The following MAML3 variants were observed in gnomAD, a reference collection of about 807,000 sequenced individuals.
MAML3 encodes the protein mastermind-like protein 3.
Under a neutral mutation model 101.9 loss-of-function variants are expected in MAML3, and 27 were observed. The observed-to-expected ratio is 0.27, with a 90% confidence interval of 0.20 to 0.37. MAML3 has a LOEUF of 0.37. MAML3 is among the 10% of genes least tolerant of loss of function. The pLI, the probability that MAML3 is intolerant of heterozygous loss-of-function variation, is 1.00. For synonymous variants in MAML3, 501 were observed against 555.9 expected (o/e 0.90, Z 1.39); for missense variants, 1,316 against 1,444.9 (o/e 0.91, Z 1.45).
chr4:139,978,196 A>G (rs1734380792), intron 1 of MAML3, among the ~76,000 whole-genome samples: 1 of 152,172 alleles, frequency 6.6e-6, no homozygotes, highest in Admixed American at 6.5e-5. Context: ...AAGGTTACAA[A>G]AAAAAGTCTT....
At chr4:139,889,072 C>T in intron 2 of MAML3, 1 of 542,442 alleles carries the variant, frequency 1.8e-6, no homozygotes, top group African/African-American at 1.9e-5. Flanking sequence ...CAGCCTCCCT[C>T]CCTCAGAGTG....
intron 1 of MAML3, chr4:140,128,226 A>G (rs983285199): frequency 6.6e-6 from 1 of 152,260 alleles, no homozygotes; most frequent in South Asian, 2.1e-4. Flanking sequence ...TCTCTTCTTC[A>G]TAAAAACAGA....
rs111692185 is a variant in MAML3, at chr4:140,114,781, T to A, written c.468+38079A>T. 9.7e-3 allele frequency among the ~76,000 whole-genome samples: 1,475 copies of A among 152,316 alleles called. 29 individuals are homozygous for A. Among genetic ancestry groups the A allele is most frequent in the African/African-American group, 0.034 (1,393 of 41,556 alleles). ...TATTATAGAAAGCACATGCCAGAAC[T>A]TATATCTGTGAATACTGTGGAGTGT... On this transcript the variant is annotated intron_variant, in intron 1 of 4. Coordinates refer to ENST00000509479, the MANE Select transcript of MAML3 (RefSeq NM_018717.5).
chr4:140,131,593 C>A (rs1428273639), intron 1 of MAML3, among the ~76,000 whole-genome samples: 1 of 152,238 alleles, frequency 6.6e-6, no homozygotes, highest in African/African-American at 2.4e-5. Flanking sequence ...ATTTCAAAAA[C>A]TAATTCTGGG....
intron 2 of MAML3, among the ~76,000 whole-genome samples, chr4:139,867,504 A>G (rs912217847): frequency 1.3e-5 from 2 of 152,198 alleles, no homozygotes; most frequent in Non-Finnish European, 2.9e-5. Flanking sequence ...CAGTCACCAT[A>G]TTTAATGTTG....
chr4:140,012,011 C>CAA (rs879862503), intron 1 of MAML3, among the ~76,000 whole-genome samples: 5 of 133,516 alleles, frequency 3.7e-5, no homozygotes, highest in African/African-American at 1.1e-4. Flanking sequence ...ATCTAAATCT[C>CAA]AAAAAAAAAA....
intron 1 of MAML3, among the ~76,000 whole-genome samples, chr4:139,981,226 T>C (rs1195028488): frequency 6.6e-6 from 1 of 152,228 alleles, no homozygotes; most frequent in African/African-American, 2.4e-5. Flanking sequence ...GCCATCTCTC[T>C]GTGCACAGAC....
chr4:139,830,575 A>C (rs545124836), intron 2 of MAML3, among the ~76,000 whole-genome samples: 5,855 of 151,004 alleles, frequency 0.039, 394 homozygotes, highest in African/African-American at 0.14. Flanking sequence ...CCACCACGCC[A>C]TGCTAATTTT....
intron 2 of MAML3, among the ~76,000 whole-genome samples, chr4:139,833,753 T>C (rs541770221): frequency 1.2e-4 from 19 of 152,296 alleles, no homozygotes; most frequent in Non-Finnish European, 1.6e-4. Flanking sequence ...GGGTTGTGGC[T>C]TGGGGATAGA....
rs1400046641 is a variant in MAML3, at chr4:139,719,457, T to G, written c.3283A>C (p.Asn1095His). 6.2e-7 allele frequency: 1 copy of G among 1,613,958 alleles called. No individual in the cohort carries two copies. Among genetic ancestry groups the G allele is most frequent in the Admixed American group, 1.7e-5 (1 of 60,022 alleles). Reference protein sequence around the residue: ...ERNAPQDVSYNYSGDGAGGSF... With the variant: ...ERNAPQDVSYHYSGDGAGGSF... ...CCCCCAGCTCCGTCGCCACTGTAATTGTATGACACGTCCTGAGGGGCATTC... is the reference window on the plus strand; with the variant it reads ...CCCCCAGCTCCGTCGCCACTGTAATGGTATGACACGTCCTGAGGGGCATTC... Residue 1095 changes from asparagine (N) to histidine (H), a missense_variant, in exon 5 of 5, where the codon AAT becomes CAT. Coordinates refer to ENST00000509479, the MANE Select transcript of MAML3 (RefSeq NM_018717.5).
chr4:139,891,116 C>T (rs368578729), intron 1 of MAML3, 149 bp from the exon 2 acceptor site: 55 of 940,244 alleles, frequency 5.8e-5, no homozygotes, highest in African/African-American at 4.7e-4. Context: ...AATCAGGCAA[C>T]GCTGCAATTC....
chr4:139,865,546 C>A (rs1200445405), intron 2 of MAML3, among the ~76,000 whole-genome samples: 1 of 146,034 alleles, frequency 6.8e-6, no homozygotes, highest in East Asian at 2.0e-4. Flanking sequence ...AATTAGGAGT[C>A]CCTATCTTTG....
At chr4:139,798,676 G>A (rs1486175749) in intron 2 of MAML3, among the ~76,000 whole-genome samples, 1 of 152,160 alleles carries the variant, frequency 6.6e-6, no homozygotes, top group African/African-American at 2.4e-5. Flanking sequence ...GGTAAAACAG[G>A]TCAGGGCCAA....
At chr4:140,078,496 C>G (rs1053461242) in intron 1 of MAML3, among the ~76,000 whole-genome samples, 2 of 152,112 alleles carry the variant, frequency 1.3e-5, no homozygotes, top group African/African-American at 4.8e-5. Flanking sequence ...AAGGCCACTC[C>G]AAGCTTCTCT....
intron 2 of MAML3, among the ~76,000 whole-genome samples, chr4:139,801,643 G>GTGTGTGTGTGTGTGTGTGTGTGTGT (rs1560798508): frequency 1.6e-4 from 5 of 30,744 alleles, no homozygotes; most frequent in Admixed American, 3.7e-4. Context: ...GGTGTGTGTG[G>GTGTGTGTGTGTGTGTGTGTGTGTGT]GTGTGTGTGT....
At chr4:140,065,634 C>T (rs1727522515) in intron 1 of MAML3, among the ~76,000 whole-genome samples, 1 of 152,180 alleles carries the variant, frequency 6.6e-6, no homozygotes, top group African/African-American at 2.4e-5. Flanking sequence ...GACTCATCCA[C>T]ATTAAGGTTT....
At chr4:140,152,523 A>C (rs1422538091) in intron 1 of MAML3, among the ~76,000 whole-genome samples, 1 of 151,278 alleles carries the variant, frequency 6.6e-6, no homozygotes, top group East Asian at 2.0e-4. Flanking sequence ...TCAGGGGTTC[A>C]CTCTTTCAAA....
chr4:139,739,861 T>A (rs13126163), intron 2 of MAML3, among the ~76,000 whole-genome samples: 61,749 of 151,762 alleles, frequency 0.41, 13,577 homozygotes, highest in South Asian at 0.57. Context: ...GTATTATTTT[T>A]AAAAGCTTGT....
chr4:140,110,107 A>G (rs1016762508), intron 1 of MAML3, among the ~76,000 whole-genome samples: 3 of 152,230 alleles, frequency 2.0e-5, no homozygotes, highest in African/African-American at 7.2e-5. Flanking sequence ...CAGCCAACGA[A>G]TGCACCAGCC....
Sources: allele counts gnomAD v4.1 joint callset (sites outside exome capture counted in the v4.1 genomes callset), GRCh38; gene constraint gnomAD v4.1.1; transcripts MANE v1.5; gene names NCBI Gene and HGNC (gene_info 2026-07-23, HGNC 2026-07-21).